The following FBXO36 variants were observed in gnomAD, a reference collection of about 807,000 sequenced individuals.
The protein encoded by FBXO36 is F-box only protein 36.
A neutral mutation model predicts 17.0 loss-of-function variants in FBXO36; 18 were observed. That is an observed-to-expected ratio of 1.06 (90% CI 0.73 to 1.57). The LOEUF is 1.57. FBXO36 is among the 40% of genes most tolerant of loss of function. The probability of loss-of-function intolerance (pLI) is 0.00; values close to 1 mark genes in which losing one functional copy is unlikely to be tolerated. For synonymous variants in FBXO36, 83 were observed against 85.3 expected (o/e 0.97, Z 0.15); for missense variants, 229 against 221.9 (o/e 1.03, Z -0.20).
chr2:229,999,004 G>A lies in FBXO36; in HGVS notation c.378+2081G>A, dbSNP rs544180189. Among the ~76,000 whole-genome samples the A allele has an allele frequency of 5.2e-4, 79 of 151,484 alleles. No individual in the cohort carries two copies. In the South Asian group the frequency reaches 5.6e-3, roughly 11 times the overall value. On this transcript the variant is annotated intron_variant, in intron 3 of 3. Transcript: ENST00000283946. ...TTTTTAGTAGAGACGGGGTTTCACCGTGTTAGCCAGGATGGTCTCGATCTC... is the reference window on the plus strand; with the variant it reads ...TTTTTAGTAGAGACGGGGTTTCACCATGTTAGCCAGGATGGTCTCGATCTC...
intron 1 of FBXO36, among the ~76,000 whole-genome samples, chr2:229,932,542 T>C (rs1329487853): frequency 2.0e-5 from 3 of 150,910 alleles, no homozygotes; most frequent in African/African-American, 7.3e-5. Context: ...TAGCTGGATA[T>C]GGTGGCGCAC....
intron 1 of FBXO36, among the ~76,000 whole-genome samples, chr2:229,973,679 C>A (rs1288395932): frequency 6.7e-6 from 1 of 149,560 alleles, no homozygotes; most frequent in African/African-American, 2.5e-5. Flanking sequence ...TGAGATCGCA[C>A]CACTGCACTC....
chr2:229,983,662 C>G (rs1397602096), intron 2 of FBXO36, among the ~76,000 whole-genome samples: 1 of 152,174 alleles, frequency 6.6e-6, no homozygotes, highest in African/African-American at 2.4e-5. Context: ...AAACATTACT[C>G]TTAACACTAC....
chr2:229,958,188 C>A (rs1359616702), intron 1 of FBXO36, among the ~76,000 whole-genome samples: 1 of 143,488 alleles, frequency 7.0e-6, no homozygotes, highest in African/African-American at 2.5e-5. Flanking sequence ...TTTTTAAAAA[C>A]TTCACTTCCA....
chr2:229,989,209 T>C (rs901244728), intron 2 of FBXO36, among the ~76,000 whole-genome samples: 7 of 152,170 alleles, frequency 4.6e-5, no homozygotes, highest in Non-Finnish European at 1.0e-4. Flanking sequence ...TTCAGATCAT[T>C]TTGTGGTAAT....
At chr2:230,004,972 C>T (rs181475829) in intron 3 of FBXO36, among the ~76,000 whole-genome samples, 8 of 152,276 alleles carry the variant, frequency 5.3e-5, no homozygotes, top group African/African-American at 1.7e-4. Flanking sequence ...ACCCATTGCA[C>T]TCCAGTCTTG....
At position 229,982,345 on chromosome 2, in the gene FBXO36, G is replaced by T. The variant is rs140626628; in HGVS notation, c.205+5996G>T. ...CCAGCCTCCTTCCTCTATCTGCAAA[G>T]CCAACAATGGCAGGTCTTGTCTTTC... On this transcript the variant is annotated intron_variant, in intron 2 of 3. Transcript: ENST00000283946. 3.4e-3 allele frequency among the ~76,000 whole-genome samples: 518 copies of T among 152,138 alleles called. 2 individuals carry two copies. The highest frequency in any genetic ancestry group is 0.01 in the Middle Eastern group (3 of 294).
chr2:229,942,416 A>G (rs2077004187), intron 1 of FBXO36, among the ~76,000 whole-genome samples: 1 of 152,138 alleles, frequency 6.6e-6, no homozygotes, highest in Non-Finnish European at 1.5e-5. Flanking sequence ...ACCCTGCATA[A>G]AAATGCTGGT....
chr2:229,996,704 T>A, intron 2 of FBXO36, 47 bp from the exon 3 acceptor site: 1 of 1,534,708 alleles, frequency 6.5e-7, no homozygotes, highest in African/African-American at 1.4e-5. Flanking sequence ...TATTATAATT[T>A]TTATGTGACT....
chr2:229,936,914 C>T (rs2076967031), intron 1 of FBXO36, among the ~76,000 whole-genome samples: 1 of 152,096 alleles, frequency 6.6e-6, no homozygotes, highest in African/African-American at 2.4e-5. Context: ...TGTTACTCAG[C>T]ATCAATACTA....
chr2:230,002,353 T>C (rs538156852), intron 3 of FBXO36, among the ~76,000 whole-genome samples: 1 of 152,188 alleles, frequency 6.6e-6, no homozygotes, highest in East Asian at 1.9e-4. Context: ...TAATTAAATC[T>C]TTCTCTGTTT....
chr2:229,988,383 T>C (rs1013865898), intron 2 of FBXO36, among the ~76,000 whole-genome samples: 3 of 152,234 alleles, frequency 2.0e-5, no homozygotes, highest in Non-Finnish European at 4.4e-5. Context: ...ATAAACAAAT[T>C]CATAAATATG....
intron 2 of FBXO36, among the ~76,000 whole-genome samples, chr2:229,988,105 ACATATT>A (rs1310309964): frequency 6.6e-6 from 1 of 152,166 alleles, no homozygotes; most frequent in Non-Finnish European, 1.5e-5. Context: ...TTATTTAGAA[ACATATT>A]GTTTAATTTA....
In FBXO36 at chr2:229,971,130, G is replaced by A. The variant is rs540414962; in HGVS notation, c.97-5111G>A. On this transcript the variant is annotated intron_variant, in intron 1 of 3. Transcript: ENST00000283946. ...GCACTTTGGTAGGCCGAGGCGGGCA[G>A]ATCACCTGAGGTCAGGAGTTTGAGA... Among the ~76,000 whole-genome samples the A allele has an allele frequency of 1.2e-4, 19 of 152,240 alleles. No homozygotes were observed. The South Asian group carries it at 3.9e-3, about 32-fold the overall frequency.
chr2:229,944,592 C>CTTT (rs58905595), intron 1 of FBXO36, among the ~76,000 whole-genome samples: 2 of 88,414 alleles, frequency 2.3e-5, no homozygotes, highest in South Asian at 4.0e-4. Context: ...TTTTCTTTTT[C>CTTT]TTTTTTTTTT....
At chr2:229,988,727 G>GGTTTCTCC (rs1467786310) in intron 2 of FBXO36, among the ~76,000 whole-genome samples, 29 of 151,656 alleles carry the variant, frequency 1.9e-4, no homozygotes, top group Middle Eastern at 3.4e-3. Flanking sequence ...GTAGAGATGG[G>GGTTTCTCC]GTTTCTCCAT....
At chr2:229,926,321 C>T (rs758821390) in intron 1 of FBXO36, among the ~76,000 whole-genome samples, 3 of 151,416 alleles carry the variant, frequency 2.0e-5, no homozygotes, top group Non-Finnish European at 2.9e-5. Flanking sequence ...GTCCTAGCTA[C>T]TCGGGAGGCT....
At chr2:230,006,836 TAA>T (rs2077389339) in intron 3 of FBXO36, among the ~76,000 whole-genome samples, 1 of 152,120 alleles carries the variant, frequency 6.6e-6, no homozygotes, top group African/African-American at 2.4e-5. Context: ...CTTAGAAGCA[TAA>T]AGACACATTC....
intron 1 of FBXO36, among the ~76,000 whole-genome samples, chr2:229,947,128 A>G (rs945251244): frequency 6.6e-6 from 1 of 152,144 alleles, no homozygotes; most frequent in African/African-American, 2.4e-5. Flanking sequence ...AGATCACACC[A>G]TTGCACTCCA....
Sources: gnomAD v4.1 joint callset for allele counts (sites outside exome capture counted in the v4.1 genomes callset) on GRCh38, gnomAD v4.1.1 for gene constraint, MANE v1.5 for transcripts, NCBI Gene and HGNC (gene_info 2026-07-23, HGNC 2026-07-21) for gene names.